DGKB: variants seen among roughly 807,000 people sequenced by gnomAD.
The protein encoded by DGKB is diacylglycerol kinase beta, also known as 90 kDa diacylglycerol kinase.
Under a neutral mutation model 114.3 loss-of-function variants are expected in DGKB, and 67 were observed. The ratio of observed to expected loss-of-function variants is 0.59; its 90% CI spans 0.48 to 0.72. DGKB has a LOEUF of 0.72. DGKB is among the 30% of genes least tolerant of loss of function. The pLI is 0.00. For synonymous variants in DGKB, 398 were observed against 323.1 expected (o/e 1.23, Z -2.49); for missense variants, 907 against 975.2 (o/e 0.93, Z 0.93).
chr7:14,743,938 A>G (rs1205521988), intron 4 of DGKB, among the ~76,000 whole-genome samples: 1 of 152,174 alleles, frequency 6.6e-6, no homozygotes, highest in Non-Finnish European at 1.5e-5. Flanking sequence ...ACACTGGACT[A>G]AAGGGAAAAC....
intron 12 of DGKB, among the ~76,000 whole-genome samples, chr7:14,677,120 A>C (rs934819031): frequency 4.6e-5 from 7 of 151,922 alleles, no homozygotes; most frequent in African/African-American, 1.7e-4. Flanking sequence ...TTATTAGAAA[A>C]AGCTGTCTCA....
intron 1 of DGKB, among the ~76,000 whole-genome samples, chr7:14,955,220 G>C (rs1406049909): frequency 2.0e-5 from 3 of 151,884 alleles, no homozygotes; most frequent in Admixed American, 6.6e-5. Context: ...AAAAATTTAG[G>C]GCAGAACCAA....
At chr7:14,285,058 T>G (rs1324197779) in intron 23 of DGKB, among the ~76,000 whole-genome samples, 2 of 152,024 alleles carry the variant, frequency 1.3e-5, no homozygotes, top group Non-Finnish European at 2.9e-5. Flanking sequence ...TATTGGAAAA[T>G]TATACTGCTA....
intron 17 of DGKB, among the ~76,000 whole-genome samples, chr7:14,596,759 G>A (rs1054572673): frequency 3.3e-5 from 5 of 151,980 alleles, no homozygotes; most frequent in African/African-American, 1.2e-4. Flanking sequence ...AATTTTTCTG[G>A]TTAATACCAA....
At chr7:14,222,624 A>G (rs1240152343) in intron 23 of DGKB, among the ~76,000 whole-genome samples, 1 of 151,418 alleles carries the variant, frequency 6.6e-6, no homozygotes, top group Non-Finnish European at 1.5e-5. Context: ...GTTTTATATA[A>G]ATGTTATATA....
chr7:14,600,272 C>T (rs943435238), intron 17 of DGKB, among the ~76,000 whole-genome samples: 1 of 152,108 alleles, frequency 6.6e-6, no homozygotes, highest in Non-Finnish European at 1.5e-5. Flanking sequence ...GCCCTCATAA[C>T]CTAATCATTT....
chr7:14,557,187 C>T (rs908881531), intron 20 of DGKB, among the ~76,000 whole-genome samples: 1 of 152,168 alleles, frequency 6.6e-6, no homozygotes, highest in Admixed American at 6.5e-5. Context: ...ATTTAAGAAC[C>T]ACTATCTTAG....
intron 20 of DGKB, among the ~76,000 whole-genome samples, chr7:14,510,827 GCATAAAAACATTAAT>G (rs1215898359): frequency 2.0e-5 from 3 of 152,112 alleles, no homozygotes; most frequent in African/African-American, 7.2e-5. Flanking sequence ...GTGTTAGCAG[GCATAAAAACATTAAT>G]CTCCTTGTAT....
intron 1 of DGKB, among the ~76,000 whole-genome samples, chr7:14,901,886 A>G (rs897439672): frequency 6.6e-6 from 1 of 152,144 alleles, no homozygotes; most frequent in African/African-American, 2.4e-5. Context: ...GCCAGTGAAC[A>G]CAATGCTGCT....
chr7:14,483,933 G>C (rs1420432903), intron 20 of DGKB, among the ~76,000 whole-genome samples: 4 of 151,884 alleles, frequency 2.6e-5, no homozygotes, highest in Non-Finnish European at 4.4e-5. Flanking sequence ...ATCATCTCTT[G>C]AACTGTGAGA....
At chr7:14,277,122 C>T (rs1356326846) in intron 23 of DGKB, among the ~76,000 whole-genome samples, 1 of 152,042 alleles carries the variant, frequency 6.6e-6, no homozygotes, top group Non-Finnish European at 1.5e-5. Context: ...ACCAACAACT[C>T]GTTATTCCTT....
At chr7:14,488,168 A>C (rs1358899603) in intron 20 of DGKB, among the ~76,000 whole-genome samples, 1 of 152,158 alleles carries the variant, frequency 6.6e-6, no homozygotes, top group Non-Finnish European at 1.5e-5. Flanking sequence ...AGAAGAGTTC[A>C]TGAAATTGGG....
intron 12 of DGKB, among the ~76,000 whole-genome samples, chr7:14,678,800 G>C (rs752901549): frequency 6.6e-6 from 1 of 151,986 alleles, no homozygotes; most frequent in African/African-American, 2.4e-5. Flanking sequence ...GAGGTGCTAA[G>C]AGCTTGCACT....
In DGKB at chr7:14,392,993, TTG is replaced by T. The variant is rs1353424730; in HGVS notation, c.1836-47604_1836-47603del. 1.1e-3 allele frequency among the ~76,000 whole-genome samples: 36 copies of T among 33,828 alleles called. 1 individual carries two copies. The highest frequency in any genetic ancestry group is 0.017 in the Middle Eastern group (1 of 58). 22.2% of individuals were successfully genotyped at this position (33,828 alleles called of 152,430 possible). On this transcript the variant is annotated intron_variant, in intron 21 of 25. Coordinates refer to ENST00000402815, the MANE Select transcript of DGKB (RefSeq NM_001350709.2). ...GCCAAAACAGACCTGTTTTTTGTTT[TTG>T]TTTTTTTTTTTTTGAGACGGAGTCT... is the stretch of plus-strand genomic sequence containing the variant.
chr7:14,403,176 C>A (rs1003369504), intron 21 of DGKB, among the ~76,000 whole-genome samples: 2 of 151,738 alleles, frequency 1.3e-5, no homozygotes, highest in Admixed American at 1.3e-4. Flanking sequence ...TATATACATA[C>A]CCCTCCCATA....
At chr7:14,330,346 C>T (rs2128555892) in intron 23 of DGKB, among the ~76,000 whole-genome samples, 1 of 152,080 alleles carries the variant, frequency 6.6e-6, no homozygotes, top group Non-Finnish European at 1.5e-5. Context: ...TAGAGAGTTG[C>T]TCATTATTCT....
Position 14,635,302 on chromosome 7 carries a change from G to A in DGKB, c.1135-5034C>T, listed in dbSNP as rs905297730. 8.6e-5 allele frequency among the ~76,000 whole-genome samples: 13 copies of A among 150,856 alleles called. 1 individual carries two copies. Among genetic ancestry groups the A allele is most frequent in the African/African-American group, 2.9e-4 (12 of 41,004 alleles). Reference sequence around the variant, plus strand: ...TTGTCTGGAGGCTATTGACAAGAAGGGAACCAACAGAATTTTAAAAAATAA... The same window carrying A: ...TTGTCTGGAGGCTATTGACAAGAAGAGAACCAACAGAATTTTAAAAAATAA... On this transcript the variant is annotated intron_variant, in intron 13 of 25. Transcript: ENST00000402815.
chr7:14,160,161 C>T (rs1284189592), intron 25 of DGKB, among the ~76,000 whole-genome samples: 1 of 152,106 alleles, frequency 6.6e-6, no homozygotes, highest in Non-Finnish European at 1.5e-5. Flanking sequence ...AACCCACAGC[C>T]AATATCATAC....
intron 2 of DGKB, among the ~76,000 whole-genome samples, chr7:14,838,917 T>G (rs1457064504): frequency 6.6e-6 from 1 of 152,158 alleles, no homozygotes; most frequent in Non-Finnish European, 1.5e-5. Context: ...CTCAAATTTA[T>G]GCCAAATTTT....
Sources: allele counts gnomAD v4.1 joint callset (sites outside exome capture counted in the v4.1 genomes callset), GRCh38; gene constraint gnomAD v4.1.1; transcripts MANE v1.5; gene names NCBI Gene and HGNC (gene_info 2026-07-23, HGNC 2026-07-21).